Variants in DACH2 observed in about 807,000 individuals in gnomAD.
DACH2 encodes the protein dachshund homolog 2.
DACH2 carries 17 observed loss-of-function variants against 35.8 expected under a neutral mutation model. The ratio of observed to expected loss-of-function variants is 0.48; its 90% confidence interval spans 0.33 to 0.71. The LOEUF is 0.71. Among genes scored for constraint, DACH2 ranks in the 30% least tolerant of loss-of-function variants. The pLI is 0.02. For missense variants in DACH2, 469 were observed against 472.7 expected (o/e 0.99, Z 0.07); for synonymous variants, 195 against 177.3 (o/e 1.10, Z -0.79).
At chrX:86,787,384 C>T (rs1002762173) in intron 7 of DACH2, among the ~76,000 whole-genome samples, 1 of 111,180 alleles carries the variant, frequency 9.0e-6, no homozygotes, top group African/African-American at 3.3e-5. Context: ...CTTTGGGAGG[C>T]CAAGGAGGTT....
At chrX:86,285,146 G>A (rs1255098196) in intron 1 of DACH2, among the ~76,000 whole-genome samples, 2 of 110,675 alleles carry the variant, frequency 1.8e-5, no homozygotes, top group East Asian at 5.7e-4. Context: ...TGTTTCATTC[G>A]TTTTTTGCAT....
intron 5 of DACH2, among the ~76,000 whole-genome samples, chrX:86,703,060 G>A (rs901400912): frequency 3.1e-4 from 34 of 110,931 alleles, no homozygotes; most frequent in Middle Eastern, 4.2e-3. Flanking sequence ...ACATCAAAAA[G>A]ATAATACACC....
intron 1 of DACH2, among the ~76,000 whole-genome samples, chrX:86,324,832 T>C (rs2105920): frequency 0.19 from 20,978 of 108,612 alleles, 2,500 homozygotes; most frequent in African/African-American, 0.43. Flanking sequence ...TGTTGTCTTA[T>C]TTTAAGAAAT....
At chrX:86,452,738 A>C (rs1220525123) in intron 2 of DACH2, among the ~76,000 whole-genome samples, 1 of 110,481 alleles carries the variant, frequency 9.1e-6, no homozygotes, top group African/African-American at 3.3e-5. Flanking sequence ...CTAGTGGTAT[A>C]TCTATTTTAT....
intron 1 of DACH2, among the ~76,000 whole-genome samples, chrX:86,234,975 C>T (rs978325702): frequency 1.8e-5 from 2 of 111,550 alleles, no homozygotes; most frequent in African/African-American, 6.5e-5. Context: ...TAGTTTTTAC[C>T]TAATGTCCTT....
chrX:86,686,962 CT>C (rs2040951559), intron 4 of DACH2, among the ~76,000 whole-genome samples: 1 of 112,268 alleles, frequency 8.9e-6, no homozygotes, highest in Non-Finnish European at 1.9e-5. Flanking sequence ...GATTTTGGGA[CT>C]TTCCTTGAAT....
intron 10 of DACH2, among the ~76,000 whole-genome samples, chrX:86,815,575 CTA>C (rs1318031446): frequency 4.8e-5 from 5 of 103,714 alleles, no homozygotes; most frequent in Non-Finnish European, 3.9e-5. Context: ...GTTGCACTTA[CTA>C]TATATATATA....
intron 2 of DACH2, among the ~76,000 whole-genome samples, chrX:86,467,313 G>A (rs750692843): frequency 6.4e-4 from 71 of 111,451 alleles, no homozygotes; most frequent in Non-Finnish European, 1.1e-3. Context: ...CATGCTGCCA[G>A]TCTCTTTCCT....
chrX:86,365,607 A>C, intron 1 of DACH2, among the ~76,000 whole-genome samples: 1 of 111,937 alleles, frequency 8.9e-6, no homozygotes, highest in Non-Finnish European at 1.9e-5. Flanking sequence ...TTTAATTTCC[A>C]TTAAAAAGCA....
intron 1 of DACH2, among the ~76,000 whole-genome samples, chrX:86,169,708 T>C (rs951251908): frequency 7.2e-5 from 8 of 110,643 alleles, no homozygotes; most frequent in Non-Finnish European, 1.5e-4. Context: ...TTGTTTTAAT[T>C]TCTTTGTTAA....
intron 2 of DACH2, among the ~76,000 whole-genome samples, chrX:86,440,848 C>G (rs899362320): frequency 3.6e-5 from 4 of 111,263 alleles, no homozygotes; most frequent in African/African-American, 1.3e-4. Flanking sequence ...TGTCTTCCAG[C>G]TATTTTGAAA....
At chrX:86,543,956 G>A (rs1367038578) in intron 3 of DACH2, among the ~76,000 whole-genome samples, 2 of 109,759 alleles carry the variant, frequency 1.8e-5, no homozygotes, top group Non-Finnish European at 3.8e-5. Flanking sequence ...TGCACATTGT[G>A]CACATGTACC....
At chrX:86,455,661 T>C in intron 2 of DACH2, among the ~76,000 whole-genome samples, 1 of 112,702 alleles carries the variant, frequency 8.9e-6, no homozygotes, top group East Asian at 2.8e-4. Flanking sequence ...ATGCGTTTAC[T>C]GAACCACAGA....
At chrX:86,585,263 T>G in intron 3 of DACH2, among the ~76,000 whole-genome samples, 1 of 111,557 alleles carries the variant, frequency 9.0e-6, no homozygotes, top group Middle Eastern at 4.6e-3. Flanking sequence ...CTAATTTACA[T>G]TCTCACGATC....
intron 1 of DACH2, among the ~76,000 whole-genome samples, chrX:86,249,707 A>G (rs775873388): frequency 4.0e-4 from 45 of 111,564 alleles, no homozygotes; most frequent in African/African-American, 1.4e-3. Flanking sequence ...CTGGGTATAT[A>G]CCCAAAGGAA....
intron 3 of DACH2, among the ~76,000 whole-genome samples, chrX:86,548,075 T>C (rs1602634165): frequency 8.9e-6 from 1 of 112,726 alleles, no homozygotes; most frequent in Non-Finnish European, 1.9e-5. Context: ...CCACTTCCTA[T>C]AAGTCAAGCC....
intron 5 of DACH2, among the ~76,000 whole-genome samples, chrX:86,698,038 A>G (rs1038489051): frequency 8.9e-6 from 1 of 111,744 alleles, no homozygotes; most frequent in Non-Finnish European, 1.9e-5. Context: ...TTCCAACTGC[A>G]GAAAACCAAT....
intron 3 of DACH2, among the ~76,000 whole-genome samples, chrX:86,633,556 A>G (rs1489271377): frequency 8.9e-6 from 1 of 111,886 alleles, no homozygotes; most frequent in African/African-American, 3.3e-5. Context: ...CAATCCTCCT[A>G]AAACTCTTTC....
chrX:86,622,772 A>G (rs941791593), intron 3 of DACH2, among the ~76,000 whole-genome samples: 2 of 111,794 alleles, frequency 1.8e-5, no homozygotes, highest in Non-Finnish European at 3.8e-5. Flanking sequence ...ATGTCTTAAT[A>G]TCTCTAGAAA....
Sources: allele counts gnomAD v4.1 joint callset (sites outside exome capture counted in the v4.1 genomes callset), GRCh38; gene constraint gnomAD v4.1.1; transcripts MANE v1.5; gene names NCBI Gene and HGNC (gene_info 2026-07-23, HGNC 2026-07-21).